The following RIMS2 variants were observed in gnomAD, a reference collection of about 807,000 sequenced individuals.
The protein encoded by RIMS2 is regulating synaptic membrane exocytosis protein 2.
Under a neutral mutation model 174.4 loss-of-function variants are expected in RIMS2, and 59 were observed. The observed-to-expected ratio is 0.34, with a 90% CI of 0.27 to 0.42. The LOEUF (loss-of-function observed/expected upper bound fraction) is 0.42. Among genes scored for constraint, RIMS2 ranks in the 10% least tolerant of loss-of-function variants. RIMS2 has a pLI of 1.00. For synonymous variants in RIMS2, 606 were observed against 572.5 expected (o/e 1.06, Z -0.84); for missense variants, 1,620 against 1,666.3 (o/e 0.97, Z 0.48).
chr8:104,149,940 T>C (rs2098675842), intron 19 of RIMS2, among the ~76,000 whole-genome samples: 1 of 152,158 alleles, frequency 6.6e-6, no homozygotes, highest in South Asian at 2.1e-4. Flanking sequence ...ATAGGATTTT[T>C]AATTTGGTGT....
At chr8:104,035,212 A>G (rs779004938) in intron 19 of RIMS2, among the ~76,000 whole-genome samples, 1 of 151,878 alleles carries the variant, frequency 6.6e-6, no homozygotes, top group Non-Finnish European at 1.5e-5. Context: ...AACTGAAACC[A>G]TAACGTGCTC....
intron 1 of RIMS2, among the ~76,000 whole-genome samples, chr8:103,654,177 T>C (rs2096493694): frequency 6.6e-6 from 1 of 151,984 alleles, no homozygotes. Context: ...TTAATGTATC[T>C]TGTGTGTGAG....
chr8:103,641,977 T>C (rs2096241300), intron 1 of RIMS2, among the ~76,000 whole-genome samples: 1 of 151,290 alleles, frequency 6.6e-6, no homozygotes, highest in Admixed American at 6.6e-5. Flanking sequence ...TAAGACATTG[T>C]GTCTTTTTGT....
At chr8:103,892,572 T>C (rs904588442) in intron 4 of RIMS2, among the ~76,000 whole-genome samples, 16 of 152,222 alleles carry the variant, frequency 1.1e-4, no homozygotes, top group Admixed American at 6.5e-4. Context: ...TATTCTCTTA[T>C]GTATTCACTC....
At chr8:103,876,896 A>G (rs2154515592) in intron 3 of RIMS2, among the ~76,000 whole-genome samples, 1 of 68,612 alleles carries the variant, frequency 1.5e-5, no homozygotes, top group Non-Finnish European at 3.4e-5. Context: ...ATATATATAT[A>G]TATATATATA....
chr8:103,922,219 T>A (rs1402038169), intron 10 of RIMS2, among the ~76,000 whole-genome samples: 4 of 151,966 alleles, frequency 2.6e-5, no homozygotes, highest in Admixed American at 2.6e-4. Context: ...CTCATAGTAA[T>A]CATTGGAGTT....
chr8:103,826,100 G>T (rs2098789016), intron 3 of RIMS2, among the ~76,000 whole-genome samples: 1 of 151,978 alleles, frequency 6.6e-6, no homozygotes, highest in Non-Finnish European at 1.5e-5. Flanking sequence ...TTTTAAATTA[G>T]GTTGTGTTTT....
intron 19 of RIMS2, among the ~76,000 whole-genome samples, chr8:104,140,554 G>A (rs2098557197): frequency 6.6e-6 from 1 of 152,136 alleles, no homozygotes; most frequent in Non-Finnish European, 1.5e-5. Context: ...AGAAAAAGTG[G>A]TACCTCTAGG....
At chr8:103,977,603 T>C (rs1028527208) in intron 16 of RIMS2, 2 of 152,252 alleles carry the variant, frequency 1.3e-5, no homozygotes, top group African/African-American at 4.8e-5. Flanking sequence ...TTCAGTTCAA[T>C]TCTGACACTG....
intron 16 of RIMS2, among the ~76,000 whole-genome samples, chr8:103,979,961 A>G (rs2093754663): frequency 6.6e-6 from 1 of 152,208 alleles, no homozygotes. Context: ...AAGCTACGCC[A>G]CAGTGGGACA....
Position 104,084,437 on chromosome 8 carries a change from C to CAAAAAAA in RIMS2, c.3334+69835_3334+69841dup, listed in dbSNP as rs34285862. The stretch of plus-strand genomic sequence containing the variant: ...TGGGCGACTGAGCAAGACTCTGTCT[C>CAAAAAAA]AAAAAAAAAAAAAAAAAAACTAAAG... On this transcript the variant is annotated intron_variant, in intron 19 of 23. Transcript: ENST00000504942. Among the ~76,000 whole-genome samples the CAAAAAAA allele has an allele frequency of 1.2e-3, 95 of 76,554 alleles. 6 individuals are homozygous for CAAAAAAA. The East Asian group carries it at 0.018, about 15-fold the overall frequency. 50.2% of individuals were successfully genotyped at this position (76,554 alleles called of 152,430 possible). A position where few individuals can be genotyped will look rare whatever the true frequency, so the allele number is the denominator to read the frequency against.
intron 1 of RIMS2, among the ~76,000 whole-genome samples, chr8:103,612,027 A>T (rs753073599): frequency 2.6e-5 from 4 of 151,688 alleles, no homozygotes; most frequent in Non-Finnish European, 5.9e-5. Context: ...CTTCAAGGTC[A>T]GTCATTCTCT....
chr8:104,165,086 G>T (rs1348280120), intron 19 of RIMS2, among the ~76,000 whole-genome samples: 1 of 152,144 alleles, frequency 6.6e-6, no homozygotes, highest in Admixed American at 6.5e-5. Context: ...CTCAAGGAAG[G>T]ATAATATTCT....
At chr8:103,968,540 A>T (rs972608342) in intron 15 of RIMS2, among the ~76,000 whole-genome samples, 1 of 149,756 alleles carries the variant, frequency 6.7e-6, no homozygotes, top group African/African-American at 2.5e-5. Context: ...GGTACTCTAG[A>T]GTTTGTAGTA....
At chr8:103,587,113 G>T (rs1472136137) in intron 1 of RIMS2, among the ~76,000 whole-genome samples, 2 of 151,838 alleles carry the variant, frequency 1.3e-5, no homozygotes, top group East Asian at 1.9e-4. Flanking sequence ...TAGAAGAAAT[G>T]GACAAATTTC....
At chr8:103,714,456 A>T (rs1420726877) in intron 2 of RIMS2, among the ~76,000 whole-genome samples, 1 of 152,132 alleles carries the variant, frequency 6.6e-6, no homozygotes, top group Non-Finnish European at 1.5e-5. Context: ...TTGATTAGAG[A>T]AGGTAGTCAA....
At chr8:104,002,307 C>A (rs1032852485) in intron 17 of RIMS2, among the ~76,000 whole-genome samples, 9 of 152,168 alleles carry the variant, frequency 5.9e-5, no homozygotes, top group African/African-American at 1.9e-4. Flanking sequence ...TATCTACTTA[C>A]ATATCCAGAA....
chr8:104,072,036 C>T (rs1305096509), intron 19 of RIMS2, among the ~76,000 whole-genome samples: 1 of 152,108 alleles, frequency 6.6e-6, no homozygotes, highest in Non-Finnish European at 1.5e-5. Flanking sequence ...CAGCTTACCT[C>T]AAAATATAAT....
chr8:104,185,022 C>G (rs745390558), intron 19 of RIMS2, among the ~76,000 whole-genome samples: 1 of 151,354 alleles, frequency 6.6e-6, no homozygotes, highest in Non-Finnish European at 1.5e-5. Context: ...TCTGTTATGA[C>G]TGGCGGGTTA....
Sources: allele counts gnomAD v4.1 joint callset (sites outside exome capture counted in the v4.1 genomes callset), GRCh38; gene constraint gnomAD v4.1.1; transcripts MANE v1.5; gene names NCBI Gene and HGNC (gene_info 2026-07-23, HGNC 2026-07-21).